Variants in KCTD8 observed in about 807,000 individuals in gnomAD.
KCTD8 encodes potassium channel tetramerization domain containing 8, also known as BTB/POZ domain-containing protein KCTD8.
KCTD8 carries 27 observed loss-of-function variants against 31.5 expected under a neutral mutation model. The observed-to-expected ratio is 0.86, with a 90% CI of 0.63 to 1.18. The LOEUF (loss-of-function observed/expected upper bound fraction) is 1.18, where lower values mean the gene tolerates loss of function less well. Among genes scored for constraint, KCTD8 ranks in the 50% most tolerant of loss-of-function variants. KCTD8 has a pLI of 0.00. For synonymous variants in KCTD8, 290 were observed against 280.0 expected (o/e 1.04, Z -0.36); for missense variants, 658 against 647.7 (o/e 1.02, Z -0.17).
intron 1 of KCTD8, among the ~76,000 whole-genome samples, chr4:44,190,332 G>T: frequency 6.6e-6 from 1 of 152,132 alleles, no homozygotes; most frequent in East Asian, 1.9e-4. Context: ...ATTAATATTA[G>T]CCTAAATATC....
intron 1 of KCTD8, among the ~76,000 whole-genome samples, chr4:44,266,659 CAGAG>C (rs1159229974): frequency 3.3e-5 from 5 of 150,738 alleles, no homozygotes; most frequent in Non-Finnish European, 4.4e-5. Flanking sequence ...ATCTCACGTG[CAGAG>C]ACACACATAG....
intron 1 of KCTD8, among the ~76,000 whole-genome samples, chr4:44,344,865 C>A (rs10014687): frequency 6.6e-6 from 1 of 152,068 alleles, no homozygotes; most frequent in African/African-American, 2.4e-5. Context: ...CTAAACTTAC[C>A]CTTTCTATTA....
chr4:44,248,540 C>A (rs1191147758), intron 1 of KCTD8, among the ~76,000 whole-genome samples: 1 of 151,822 alleles, frequency 6.6e-6, no homozygotes, highest in Non-Finnish European at 1.5e-5. Flanking sequence ...TTTCTGCCTG[C>A]AACATTTTCT....
chr4:44,250,121 A>G (rs1195345422), intron 1 of KCTD8, among the ~76,000 whole-genome samples: 1 of 151,826 alleles, frequency 6.6e-6, no homozygotes, highest in Non-Finnish European at 1.5e-5. Flanking sequence ...GTGAAAATGC[A>G]CATGTGTAAG....
Position 44,424,902 on chromosome 4 carries a change from G to A in KCTD8, c.961+22661C>T, listed in dbSNP as rs116483613. Among the ~76,000 whole-genome samples the A allele has an allele frequency of 6.7e-3, 1,014 of 151,924 alleles. 15 individuals carry two copies. The highest frequency in any genetic ancestry group is 0.023 in the African/African-American group (969 of 41,434). On this transcript the variant is annotated intron_variant, in intron 1 of 1. Coordinates refer to ENST00000360029, the MANE Select transcript of KCTD8 (RefSeq NM_198353.3). Reference sequence around the variant, plus strand: ...AATTCATCTTGAAGTTCTAATCCTCGGTGACTCCAAATGGGACTGCATTTG... The same window carrying A: ...AATTCATCTTGAAGTTCTAATCCTCAGTGACTCCAAATGGGACTGCATTTG...
In KCTD8 at chr4:44,415,110, C is replaced by G. The variant is rs188946430; in HGVS notation, c.961+32453G>C. ...GAAGTAAAGGTCATCCATGTTATGC[C>G]CTAGCAAAAAACCTGGCTGCATTGT... is the stretch of plus-strand genomic sequence containing the variant. On this transcript the variant is annotated intron_variant, in intron 1 of 1. Coordinates refer to ENST00000360029, the MANE Select transcript of KCTD8 (RefSeq NM_198353.3). Among the ~76,000 whole-genome samples, 76 of 152,144 alleles carry G rather than the reference C, an allele frequency of 5.0e-4. 1 individual carries two copies. In the Middle Eastern group the frequency reaches 0.017, roughly 34 times the overall value.
chr4:44,262,151 A>G (rs546713250), intron 1 of KCTD8, among the ~76,000 whole-genome samples: 1 of 152,090 alleles, frequency 6.6e-6, no homozygotes, highest in Non-Finnish European at 1.5e-5. Flanking sequence ...CATATGAACA[A>G]TTATCCACTG....
intron 1 of KCTD8, among the ~76,000 whole-genome samples, chr4:44,436,066 A>G: frequency 6.6e-6 from 1 of 152,118 alleles, no homozygotes; most frequent in East Asian, 1.9e-4. Flanking sequence ...ACTATCAAAT[A>G]AATGTTTGAT....
intron 1 of KCTD8, among the ~76,000 whole-genome samples, chr4:44,320,144 C>A (rs892763315): frequency 8.7e-6 from 1 of 115,368 alleles, no homozygotes; most frequent in African/African-American, 3.4e-5. Flanking sequence ...TGCCCTCACA[C>A]TGGGTGACAG....
At chr4:44,394,327 A>G (rs936727107) in intron 1 of KCTD8, among the ~76,000 whole-genome samples, 5 of 152,038 alleles carry the variant, frequency 3.3e-5, no homozygotes, top group African/African-American at 1.2e-4. Context: ...AATTCATAGG[A>G]GTGGGATTTG....
intron 1 of KCTD8, among the ~76,000 whole-genome samples, chr4:44,229,513 G>A (rs1048553064): frequency 6.6e-6 from 1 of 152,148 alleles, no homozygotes; most frequent in African/African-American, 2.4e-5. Flanking sequence ...GGGTAAGGAG[G>A]GCACTGCACA....
chr4:44,280,468 C>T lies in KCTD8; in HGVS notation c.962-105218G>A, dbSNP rs547264492. Among the ~76,000 whole-genome samples, 14 of 152,152 alleles carry T rather than the reference C, an allele frequency of 9.2e-5. No homozygotes were observed. The South Asian group carries it at 1.9e-3, about 20-fold the overall frequency. ...TCAAATTTAAGACCATTCAAACACTCGAACTTCAGGGATGGCAATTATTAA... is the reference window on the plus strand; with the variant it reads ...TCAAATTTAAGACCATTCAAACACTTGAACTTCAGGGATGGCAATTATTAA... On this transcript the variant is annotated intron_variant, in intron 1 of 1. Coordinates refer to ENST00000360029, the MANE Select transcript of KCTD8 (RefSeq NM_198353.3).
At chr4:44,373,016 A>G (rs115220413) in intron 1 of KCTD8, among the ~76,000 whole-genome samples, 10,710 of 152,132 alleles carry the variant, frequency 0.07, 465 homozygotes, top group East Asian at 0.19. Context: ...TTCTCTTACA[A>G]ATTTGCCATC....
At chr4:44,402,945 T>C (rs1019441966) in intron 1 of KCTD8, among the ~76,000 whole-genome samples, 2 of 152,156 alleles carry the variant, frequency 1.3e-5, no homozygotes, top group Non-Finnish European at 2.9e-5. Flanking sequence ...GATGATATCA[T>C]GATATAAATG....
chr4:44,177,085 AGT>A lies in KCTD8; in HGVS notation c.962-1837_962-1836del, dbSNP rs1385668241. On this transcript the variant is annotated intron_variant, in intron 1 of 1. Coordinates refer to ENST00000360029, the MANE Select transcript of KCTD8 (RefSeq NM_198353.3). ...TTTTAAGCCTCTCTCTGTCAGGGAGAGTCAGCTGAGACTTTGGGGTAGGGTGG... is the reference window on the plus strand; with the variant it reads ...TTTTAAGCCTCTCTCTGTCAGGGAGACAGCTGAGACTTTGGGGTAGGGTGG... Among the ~76,000 whole-genome samples the A allele has an allele frequency of 5.9e-5, 9 of 152,102 alleles. No individual in the cohort carries two copies. In the East Asian group the frequency reaches 1.7e-3, roughly 29 times the overall value.
At chr4:44,444,793 C>T (rs1327667409) in intron 1 of KCTD8, among the ~76,000 whole-genome samples, 9 of 116,506 alleles carry the variant, frequency 7.7e-5, no homozygotes, top group South Asian at 5.2e-4. Context: ...GTGGGGGTGA[C>T]GGGGGTTGGG....
intron 1 of KCTD8, among the ~76,000 whole-genome samples, chr4:44,291,050 A>C (rs966625314): frequency 1.3e-5 from 2 of 152,112 alleles, no homozygotes; most frequent in African/African-American, 4.8e-5. Context: ...AATAGACAAA[A>C]TTATTAGACC....
intron 1 of KCTD8, among the ~76,000 whole-genome samples, chr4:44,386,156 G>A (rs1264912312): frequency 6.6e-6 from 1 of 151,498 alleles, no homozygotes; most frequent in African/African-American, 2.4e-5. Context: ...TTAAGACACT[G>A]AAAATAGAAC....
chr4:44,186,111 T>C (rs1445676124), intron 1 of KCTD8, among the ~76,000 whole-genome samples: 1 of 152,042 alleles, frequency 6.6e-6, no homozygotes, highest in African/African-American at 2.4e-5. Flanking sequence ...CCCAAGACCC[T>C]AGCCGGCACA....
Sources: gnomAD v4.1 joint callset for allele counts (sites outside exome capture counted in the v4.1 genomes callset) on GRCh38, gnomAD v4.1.1 for gene constraint, MANE v1.5 for transcripts, NCBI Gene and HGNC (gene_info 2026-07-23, HGNC 2026-07-21) for gene names.